The following DPP6 variants were observed in gnomAD, a reference collection of about 807,000 sequenced individuals.
DPP6 encodes dipeptidyl peptidase like 6, also known as A-type potassium channel modulatory protein DPP6.
DPP6 carries 69 observed loss-of-function variants against 122.6 expected under a neutral mutation model. The ratio of observed to expected loss-of-function variants is 0.56; its 90% CI spans 0.46 to 0.69. The LOEUF (loss-of-function observed/expected upper bound fraction) is 0.69. DPP6 is among the 30% of genes least tolerant of loss of function. The pLI is 0.00. For synonymous variants in DPP6, 418 were observed against 433.1 expected (o/e 0.97, Z 0.43); for missense variants, 928 against 1,116.9 (o/e 0.83, Z 2.41).
chr7:154,597,869 G>A (rs11769460), intron 5 of DPP6, among the ~76,000 whole-genome samples: 90,291 of 151,844 alleles, frequency 0.59, 27,193 homozygotes, highest in East Asian at 0.69. Context: ...CTCTGCCTTC[G>A]TCTTCACATG....
At position 154,061,931 on chromosome 7, in the gene DPP6, C is replaced by T. The variant is rs534040206; in HGVS notation, c.243+8868C>T. On this transcript the variant is annotated intron_variant, in intron 1 of 25. Coordinates refer to ENST00000377770, the MANE Select transcript of DPP6 (RefSeq NM_130797.4). ...CCCCCCTGGCTCTGAGGACCCCCAT[C>T]GCAGGAGGGGGAGGCAACCCTGCGA... Among the ~76,000 whole-genome samples, 665 of 125,570 alleles carry T rather than the reference C, an allele frequency of 5.3e-3. 54 individuals carry two copies. The highest frequency in any genetic ancestry group is 6.9e-3 in the Non-Finnish European group (405 of 58,490). The allele number at this position is 125,570 out of a possible 152,430, so 82.4% of individuals were successfully genotyped here. A position where few individuals can be genotyped will look rare whatever the true frequency, so the allele number is the denominator to read the frequency against.
At chr7:154,158,310 G>A (rs920367627) in intron 1 of DPP6, among the ~76,000 whole-genome samples, 12 of 151,332 alleles carry the variant, frequency 7.9e-5, no homozygotes, top group Non-Finnish European at 1.6e-4. Context: ...GAATAATTTG[G>A]ATGGATATTC....
At chr7:154,296,335 A>G (rs1805543905) in intron 1 of DPP6, among the ~76,000 whole-genome samples, 1 of 152,116 alleles carries the variant, frequency 6.6e-6, no homozygotes, top group African/African-American at 2.4e-5. Context: ...CACTATCCCC[A>G]TAGTCCATCT....
chr7:154,215,743 G>T (rs1450524907), intron 1 of DPP6, among the ~76,000 whole-genome samples: 1 of 152,040 alleles, frequency 6.6e-6, no homozygotes. Context: ...ATGATGAGGA[G>T]ATCCCCAAAT....
At chr7:153,916,119 A>T (rs924427602) in intron 1 of DPP6, among the ~76,000 whole-genome samples, 27 of 149,328 alleles carry the variant, frequency 1.8e-4, no homozygotes, top group South Asian at 1.0e-3. Flanking sequence ...GGCGCCCGCC[A>T]CTGCGCCTGG....
At chr7:154,279,135 A>T (rs1804339572) in intron 1 of DPP6, among the ~76,000 whole-genome samples, 1 of 150,312 alleles carries the variant, frequency 6.7e-6, no homozygotes, top group African/African-American at 2.5e-5. Flanking sequence ...ATGTGTGTGT[A>T]TCTATGTGTG....
chr7:154,607,850 G>A (rs1833649131), intron 5 of DPP6, among the ~76,000 whole-genome samples: 1 of 120,238 alleles, frequency 8.3e-6, no homozygotes, highest in Admixed American at 9.3e-5. Context: ...TTAAGTTTTG[G>A]AGGAGCCAAA....
intron 1 of DPP6, among the ~76,000 whole-genome samples, chr7:154,124,666 G>A (rs977550289): frequency 1.3e-5 from 2 of 152,230 alleles, no homozygotes; most frequent in African/African-American, 4.8e-5. Flanking sequence ...GAAGAAAGAA[G>A]TATGATGGCA....
the DPP6 span, among the ~76,000 whole-genome samples, chr7:153,775,624 T>A: frequency 2.0e-5 from 3 of 152,172 alleles, no homozygotes; most frequent in Non-Finnish European, 4.4e-5. Flanking sequence ...GCCTCAAAAT[T>A]TGAACATAAG....
chr7:153,760,946 C>T, the DPP6 span, among the ~76,000 whole-genome samples: 7 of 152,086 alleles, frequency 4.6e-5, no homozygotes, highest in Non-Finnish European at 7.3e-5. Flanking sequence ...GACCCTTTAG[C>T]GCAAACTGTA....
At chr7:154,723,932 T>G (rs1456172039) in intron 7 of DPP6, among the ~76,000 whole-genome samples, 1 of 152,194 alleles carries the variant, frequency 6.6e-6, no homozygotes, top group Non-Finnish European at 1.5e-5. Flanking sequence ...GCAGAGAGTT[T>G]AGAGACAGAA....
chr7:154,698,871 T>G (rs1041716627), intron 7 of DPP6, among the ~76,000 whole-genome samples: 2 of 152,232 alleles, frequency 1.3e-5, no homozygotes, highest in Admixed American at 6.5e-5. Flanking sequence ...GTGATTCCCC[T>G]GCTCATCCTC....
chr7:154,140,375 A>G (rs1448847219), intron 1 of DPP6, among the ~76,000 whole-genome samples: 3 of 152,264 alleles, frequency 2.0e-5, no homozygotes, highest in African/African-American at 4.8e-5. Context: ...ACATGTAAAC[A>G]TGGGTAACAC....
intron 8 of DPP6, among the ~76,000 whole-genome samples, chr7:154,758,612 T>C (rs896791722): frequency 6.6e-6 from 1 of 152,192 alleles, no homozygotes; most frequent in African/African-American, 2.4e-5. Flanking sequence ...CCTTAAGTGA[T>C]CTGCTCTCCT....
chr7:154,418,180 T>A (rs1204445462), intron 1 of DPP6, among the ~76,000 whole-genome samples: 1 of 152,202 alleles, frequency 6.6e-6, no homozygotes, highest in Non-Finnish European at 1.5e-5. Flanking sequence ...TCTGTGTCAA[T>A]TTCACTTTCT....
chr7:154,001,490 C>G (rs1191813128), intron 1 of DPP6, among the ~76,000 whole-genome samples: 1 of 148,818 alleles, frequency 6.7e-6, no homozygotes. Flanking sequence ...TGGAGTCAGT[C>G]AGACATCTGG....
At chr7:154,880,761 G>A (rs1226318496) in intron 20 of DPP6, 127 bp from the exon 21 acceptor site, 10 of 1,497,392 alleles carry the variant, frequency 6.7e-6, no homozygotes, top group Admixed American at 1.9e-5. Context: ...GGAATGCTAA[G>A]GTTGCTTTTT....
intron 5 of DPP6, among the ~76,000 whole-genome samples, chr7:154,576,040 G>A (rs1418731699): frequency 1.3e-5 from 2 of 151,974 alleles, no homozygotes; most frequent in Non-Finnish European, 2.9e-5. Context: ...ATTCCAGGCC[G>A]GCCCGCAGTG....
chr7:153,858,849 T>C, the DPP6 span, among the ~76,000 whole-genome samples: 1 of 152,212 alleles, frequency 6.6e-6, no homozygotes, highest in Non-Finnish European at 1.5e-5. Flanking sequence ...TATATAATTA[T>C]CATTATCTGC....
Sources: allele counts gnomAD v4.1 joint callset (sites outside exome capture counted in the v4.1 genomes callset), GRCh38; gene constraint gnomAD v4.1.1; transcripts MANE v1.5; gene names NCBI Gene and HGNC (gene_info 2026-07-23, HGNC 2026-07-21).